The following FOXP1 variants were observed in gnomAD, a reference collection of about 807,000 sequenced individuals.
FOXP1 encodes forkhead box protein P1.
FOXP1 carries 15 observed loss-of-function variants against 98.2 expected under a neutral mutation model. That is an observed-to-expected ratio of 0.15 (90% CI 0.10 to 0.24). The LOEUF (loss-of-function observed/expected upper bound fraction) is 0.24, where lower values mean the gene tolerates loss of function less well. FOXP1 is among the 10% of genes least tolerant of loss of function. FOXP1 has a pLI of 1.00. For synonymous variants in FOXP1, 371 were observed against 314.5 expected, an observed-to-expected ratio of 1.18 and a Z score of -1.90; for missense variants, 633 against 848.5, an observed-to-expected ratio of 0.75 and a Z score of 3.15.
At chr3:70,985,599 C>A (rs1380882776) in intron 14 of FOXP1, among the ~76,000 whole-genome samples, 1 of 152,042 alleles carries the variant, frequency 6.6e-6, no homozygotes, top group South Asian at 2.1e-4. Flanking sequence ...TTGTCAGGCA[C>A]CAATTTTTAC....
In FOXP1 at chr3:70,970,673, T is replaced by C. The variant is rs189960519; in HGVS notation, c.1722+63A>G. On this transcript the variant is annotated intron_variant, in intron 19 of 20. Coordinates refer to ENST00000649528, the MANE Select transcript of FOXP1 (RefSeq NM_001349338.3). The stretch of plus-strand genomic sequence containing the variant: ...ATCTAATTAGAGCAAGGCTAATATA[T>C]TTTGAAATGAGTAGGGGAGACCTGT... 7.3e-4 allele frequency: 926 copies of C among 1,267,348 alleles called. 5 individuals carry two copies. The African/African-American group carries it at 0.012, about 16-fold the overall frequency. The allele number at this position is 1,267,348 out of a possible 1,614,324, so 78.5% of individuals were successfully genotyped here.
chr3:71,072,568 C>G (rs1195401421), intron 7 of FOXP1, among the ~76,000 whole-genome samples: 1 of 152,144 alleles, frequency 6.6e-6, no homozygotes, highest in African/African-American at 2.4e-5. Flanking sequence ...TGCTTTAAGA[C>G]TTGGTGGATT....
rs151148425 is a variant in FOXP1, at chr3:71,000,134, T to C, written c.1062+838A>G. On this transcript the variant is annotated intron_variant, in intron 13 of 20. Coordinates refer to ENST00000649528, the MANE Select transcript of FOXP1 (RefSeq NM_001349338.3). ...ATTAATTATACCAAGAATGGAATTA[T>C]TGTTAAAATATGGTAGTTTATCAAG... Among the ~76,000 whole-genome samples, 1,150 of 152,286 alleles carry C rather than the reference T, an allele frequency of 7.6e-3. 15 individuals carry two copies. Among genetic ancestry groups the C allele is most frequent in the African/African-American group, 0.025 (1,020 of 41,546 alleles).
At chr3:71,389,724 T>C (rs1198261051) in intron 3 of FOXP1, among the ~76,000 whole-genome samples, 1 of 152,202 alleles carries the variant, frequency 6.6e-6, no homozygotes, top group Non-Finnish European at 1.5e-5. Context: ...AGGTTCTATT[T>C]TTAATCACTT....
chr3:71,109,510 G>C, intron 7 of FOXP1, among the ~76,000 whole-genome samples: 1 of 151,036 alleles, frequency 6.6e-6, no homozygotes, highest in Non-Finnish European at 1.5e-5. Context: ...TCTGAAATTT[G>C]CTAAAATCGG....
intron 3 of FOXP1, among the ~76,000 whole-genome samples, chr3:71,454,099 C>T (rs2087205960): frequency 6.6e-6 from 1 of 152,170 alleles, no homozygotes; most frequent in Non-Finnish European, 1.5e-5. Flanking sequence ...ACCCTCTGCA[C>T]CCCTTTGTAA....
At chr3:71,208,254 T>A (rs2064193600) in intron 5 of FOXP1, among the ~76,000 whole-genome samples, 1 of 152,194 alleles carries the variant, frequency 6.6e-6, no homozygotes, top group Non-Finnish European at 1.5e-5. Context: ...TCCTACACCT[T>A]CTAAGTCCTT....
rs964405534 is a variant in FOXP1, at chr3:71,063,950, T to G, written c.283-10177A>C. Among the ~76,000 whole-genome samples, 40 of 151,856 alleles carry G rather than the reference T, an allele frequency of 2.6e-4. 1 individual carries two copies. The highest frequency in any genetic ancestry group is 4.2e-4 in the South Asian group (2 of 4,808). On this transcript the variant is annotated intron_variant, in intron 7 of 20. Coordinates refer to ENST00000649528, the MANE Select transcript of FOXP1 (RefSeq NM_001349338.3). ...ACACCGTACTTGGGGAGGAGAGGGG[T>G]AAAAAGTCCCGTTTCCACTGACCGT... is the stretch of plus-strand genomic sequence containing the variant.
At chr3:71,403,562 A>G (rs993501757) in intron 3 of FOXP1, among the ~76,000 whole-genome samples, 3 of 152,248 alleles carry the variant, frequency 2.0e-5, no homozygotes, top group African/African-American at 7.2e-5. Context: ...AGAATAAAGG[A>G]GCTGGCTTAG....
intron 3 of FOXP1, among the ~76,000 whole-genome samples, chr3:71,426,329 G>A (rs2084149493): frequency 6.6e-6 from 1 of 152,134 alleles, no homozygotes; most frequent in African/African-American, 2.4e-5. Context: ...TGTTAGATGG[G>A]AGTCTCTCCT....
In FOXP1 at chr3:71,251,043, C is replaced by T. The variant is rs144639019; in HGVS notation, c.-12+48777G>A. Reference sequence around the variant, plus strand: ...AAGTAAAAATTATTTTTTATAAACACGGTTTTGATTAGAATTGTAGATTTA... The same window carrying T: ...AAGTAAAAATTATTTTTTATAAACATGGTTTTGATTAGAATTGTAGATTTA... On this transcript the variant is annotated intron_variant, in intron 5 of 20. Coordinates refer to ENST00000649528, the MANE Select transcript of FOXP1 (RefSeq NM_001349338.3). Among the ~76,000 whole-genome samples, 5 of 152,224 alleles carry T rather than the reference C, an allele frequency of 3.3e-5. No homozygotes were observed. In the East Asian group the frequency reaches 5.8e-4, roughly 18 times the overall value.
At chr3:71,489,910 C>A (rs903405925) in intron 3 of FOXP1, among the ~76,000 whole-genome samples, 2 of 152,176 alleles carry the variant, frequency 1.3e-5, no homozygotes, top group African/African-American at 4.8e-5. Context: ...GTTCTGGATG[C>A]CTACCTCTGT....
At chr3:71,393,165 T>G (rs1244212066) in intron 3 of FOXP1, among the ~76,000 whole-genome samples, 1 of 152,176 alleles carries the variant, frequency 6.6e-6, no homozygotes, top group Non-Finnish European at 1.5e-5. Flanking sequence ...AACCTTAGAA[T>G]TGGGTTTAGA....
intron 4 of FOXP1, among the ~76,000 whole-genome samples, chr3:71,339,029 A>T (rs1224753293): frequency 1.3e-5 from 2 of 152,244 alleles, no homozygotes; most frequent in Non-Finnish European, 2.9e-5. Context: ...TCCATATCTG[A>T]GCCTTCTGAT....
intron 3 of FOXP1, among the ~76,000 whole-genome samples, chr3:71,414,901 C>G (rs2083092578): frequency 6.6e-6 from 1 of 152,246 alleles, no homozygotes; most frequent in Admixed American, 6.5e-5. Flanking sequence ...AATCCTGCAT[C>G]TGGCTTCACA....
intron 4 of FOXP1, among the ~76,000 whole-genome samples, chr3:71,304,456 AC>A (rs1375276373): frequency 6.6e-6 from 1 of 151,986 alleles, no homozygotes; most frequent in Non-Finnish European, 1.5e-5. Flanking sequence ...ATCCATCCCA[AC>A]CCCCACAAAT....
chr3:71,238,806 C>A (rs1341937251), intron 5 of FOXP1, among the ~76,000 whole-genome samples: 1 of 152,154 alleles, frequency 6.6e-6, no homozygotes, highest in African/African-American at 2.4e-5. Context: ...AAGTGGCTCC[C>A]CCACACAAGG....
intron 3 of FOXP1, among the ~76,000 whole-genome samples, chr3:71,483,806 CT>C (rs951175560): frequency 1.3e-5 from 2 of 151,620 alleles, no homozygotes; most frequent in Admixed American, 6.6e-5. Context: ...CATACACGAA[CT>C]TTTTTTTAAT....
In FOXP1 at chr3:71,244,331, C is replaced by A. The variant is rs186926412; in HGVS notation, c.-11-45939G>T. Among the ~76,000 whole-genome samples the A allele has an allele frequency of 6.6e-5, 10 of 152,180 alleles. No individual in the cohort carries two copies. The East Asian group carries it at 1.7e-3, about 26-fold the overall frequency. ...TCGGCTCCAAGCATGATCTCTCCCCCCTCTTTTAGGTCAGCCACTCATGCA... is the reference window on the plus strand; with the variant it reads ...TCGGCTCCAAGCATGATCTCTCCCCACTCTTTTAGGTCAGCCACTCATGCA... On this transcript the variant is annotated intron_variant, in intron 5 of 20. Coordinates refer to ENST00000649528, the MANE Select transcript of FOXP1 (RefSeq NM_001349338.3).
Sources: allele counts gnomAD v4.1 joint callset (sites outside exome capture counted in the v4.1 genomes callset), GRCh38; gene constraint gnomAD v4.1.1; transcripts MANE v1.5; gene names NCBI Gene and HGNC (gene_info 2026-07-23, HGNC 2026-07-21).